UNC5D: variants seen among roughly 807,000 people sequenced by gnomAD.
UNC5D encodes the protein netrin receptor UNC5D.
A neutral mutation model predicts 105.4 loss-of-function variants in UNC5D; 39 were observed. The ratio of observed to expected loss-of-function variants is 0.37; its 90% CI spans 0.29 to 0.48. The LOEUF (loss-of-function observed/expected upper bound fraction) is 0.48, where lower values mean the gene tolerates loss of function less well. UNC5D is among the 20% of genes least tolerant of loss of function. UNC5D has a pLI of 0.98. For synonymous variants in UNC5D, 452 were observed against 450.4 expected, an observed-to-expected ratio of 1.00 and a Z score of -0.04; for missense variants, 991 against 1,202.4, an observed-to-expected ratio of 0.82 and a Z score of 2.60.
intron 8 of UNC5D, among the ~76,000 whole-genome samples, chr8:35,715,359 T>C (rs1158034288): frequency 6.6e-6 from 1 of 152,200 alleles, no homozygotes; most frequent in Non-Finnish European, 1.5e-5. Flanking sequence ...CAATAGTTAC[T>C]ACTTTTGGAG....
intron 8 of UNC5D, among the ~76,000 whole-genome samples, chr8:35,721,905 T>C (rs1200266047): frequency 6.6e-6 from 1 of 152,110 alleles, no homozygotes; most frequent in Admixed American, 6.5e-5. Context: ...AACTAAGGAG[T>C]TGTCTGCTCT....
At position 35,790,365 on chromosome 8, in the gene UNC5D, A is replaced by T; in HGVS notation, c.2664A>T (p.Leu888Phe). Residue 888 changes from leucine (L) to phenylalanine (F), a missense_variant, in exon 17 of 17, where the codon TTA becomes TTT. Coordinates refer to ENST00000404895, the MANE Select transcript of UNC5D (RefSeq NM_080872.4). ...LAQKNSINRNLSYFATQSSPS... is the reference protein window; with the variant it reads ...LAQKNSINRNFSYFATQSSPS... ...TTTAACTCTCTCCATCTAGGAATTT[A>T]TCTTATTTCGCTACACAAAGTAGCC... 1 of 1,613,682 alleles carries T rather than the reference A, an allele frequency of 6.2e-7. No individual in the cohort carries two copies. Among genetic ancestry groups the T allele is most frequent in the Non-Finnish European group, 8.5e-7 (1 of 1,179,782 alleles).
intron 1 of UNC5D, among the ~76,000 whole-genome samples, chr8:35,426,059 A>G (rs1374715810): frequency 1.3e-5 from 2 of 152,060 alleles, no homozygotes; most frequent in Admixed American, 1.3e-4. Flanking sequence ...TAAACAGTTA[A>G]TTTTCTCCTT....
intron 4 of UNC5D, 34 bp from the exon 5 acceptor site, chr8:35,683,513 T>G: frequency 6.5e-7 from 1 of 1,540,046 alleles, no homozygotes; most frequent in Non-Finnish European, 8.7e-7. Flanking sequence ...TCTGATTTTT[T>G]TAGTGACTTG....
At chr8:35,398,466 T>C (rs1804237515) in intron 1 of UNC5D, among the ~76,000 whole-genome samples, 1 of 152,074 alleles carries the variant, frequency 6.6e-6, no homozygotes, top group Non-Finnish European at 1.5e-5. Flanking sequence ...ACAGAGCTAG[T>C]AGATACTTTA....
intron 4 of UNC5D, among the ~76,000 whole-genome samples, chr8:35,642,136 TC>T (rs1411555823): frequency 2.0e-5 from 3 of 152,156 alleles, no homozygotes; most frequent in African/African-American, 7.2e-5. Flanking sequence ...CTAGAGTTTA[TC>T]TTACACTCCC....
intron 1 of UNC5D, among the ~76,000 whole-genome samples, chr8:35,346,176 T>A (rs1363454396): frequency 6.6e-6 from 1 of 152,014 alleles, no homozygotes; most frequent in Non-Finnish European, 1.5e-5. Flanking sequence ...AGCCATGGTA[T>A]CATGATTATT....
intron 1 of UNC5D, among the ~76,000 whole-genome samples, chr8:35,297,821 A>G (rs1214534620): frequency 6.6e-6 from 1 of 151,930 alleles, no homozygotes; most frequent in Non-Finnish European, 1.5e-5. Flanking sequence ...CTCCATATCT[A>G]CAGTCAGCAG....
intron 10 of UNC5D, chr8:35,727,507 T>C (rs1828941298): frequency 6.6e-6 from 1 of 152,176 alleles, no homozygotes; most frequent in African/African-American, 2.4e-5. Flanking sequence ...ATTCTACCAT[T>C]CTAGCTAACT....
At chr8:35,523,203 C>G (rs755487240) in intron 1 of UNC5D, among the ~76,000 whole-genome samples, 1 of 151,876 alleles carries the variant, frequency 6.6e-6, no homozygotes, top group South Asian at 2.1e-4. Context: ...CTAACTCAGC[C>G]TCTCAGGTGG....
At chr8:35,505,214 GT>G (rs1444301405) in intron 1 of UNC5D, among the ~76,000 whole-genome samples, 1 of 152,132 alleles carries the variant, frequency 6.6e-6, no homozygotes, top group Non-Finnish European at 1.5e-5. Context: ...ATGATGACCT[GT>G]TTTCTAAATT....
intron 1 of UNC5D, among the ~76,000 whole-genome samples, chr8:35,513,038 G>A (rs1002520596): frequency 1.1e-4 from 17 of 150,912 alleles, no homozygotes; most frequent in Non-Finnish European, 2.4e-4. Flanking sequence ...GCCCTCTCAC[G>A]CCTTCCCTCC....
At chr8:35,526,856 T>A (rs1813913109) in intron 1 of UNC5D, among the ~76,000 whole-genome samples, 1 of 152,092 alleles carries the variant, frequency 6.6e-6, no homozygotes, top group Admixed American at 6.5e-5. Flanking sequence ...ATATCTGATC[T>A]TTGGGTACCC....
intron 1 of UNC5D, among the ~76,000 whole-genome samples, chr8:35,475,066 A>G (rs1378759776): frequency 1.3e-5 from 2 of 152,096 alleles, no homozygotes; most frequent in Non-Finnish European, 2.9e-5. Context: ...GGCCTTCAGT[A>G]TTTAGGAGAA....
chr8:35,786,287 G>T (rs1024581584), intron 16 of UNC5D, among the ~76,000 whole-genome samples: 42 of 152,246 alleles, frequency 2.8e-4, no homozygotes, highest in African/African-American at 1.0e-3. Flanking sequence ...CAAATTCAAA[G>T]AATAAATTTA....
At chr8:35,363,405 A>G (rs1016875956) in intron 1 of UNC5D, among the ~76,000 whole-genome samples, 2 of 152,168 alleles carry the variant, frequency 1.3e-5, no homozygotes, top group African/African-American at 4.8e-5. Context: ...CCATGATTCA[A>G]TTATTTCCCA....
chr8:35,361,597 A>C (rs1196686701), intron 1 of UNC5D, among the ~76,000 whole-genome samples: 1 of 152,164 alleles, frequency 6.6e-6, no homozygotes, highest in Non-Finnish European at 1.5e-5. Flanking sequence ...GTAGCAAAGC[A>C]CTAATGGAAA....
At chr8:35,592,757 C>T (rs528005829) in intron 3 of UNC5D, among the ~76,000 whole-genome samples, 76 of 152,198 alleles carry the variant, frequency 5.0e-4, no homozygotes, top group Non-Finnish European at 9.0e-4. Context: ...CCTAACAGGT[C>T]GGCGGCCTGT....
chr8:35,789,459 G>A (rs997921683), intron 16 of UNC5D, among the ~76,000 whole-genome samples: 4 of 151,852 alleles, frequency 2.6e-5, no homozygotes, highest in African/African-American at 9.7e-5. Context: ...AATATAAAAG[G>A]AAGAATCAAA....
Sources: allele counts gnomAD v4.1 joint callset (sites outside exome capture counted in the v4.1 genomes callset), GRCh38; gene constraint gnomAD v4.1.1; transcripts MANE v1.5; gene names NCBI Gene and HGNC (gene_info 2026-07-23, HGNC 2026-07-21).